The following AUTS2 variants were observed in gnomAD, a reference collection of about 807,000 sequenced individuals.
The protein encoded by AUTS2 is autism susceptibility gene 2 protein.
Under a neutral mutation model 112.4 loss-of-function variants are expected in AUTS2, and 17 were observed. That is an observed-to-expected ratio of 0.15 (90% CI 0.10 to 0.23). The LOEUF (loss-of-function observed/expected upper bound fraction) is 0.23, where lower values mean the gene tolerates loss of function less well. AUTS2 is among the 10% of genes least tolerant of loss of function. The pLI is 1.00. For synonymous variants in AUTS2, 751 were observed against 702.7 expected, an observed-to-expected ratio of 1.07 and a Z score of -1.09; for missense variants, 1,510 against 1,701.6, an observed-to-expected ratio of 0.89 and a Z score of 1.98.
chr7:70,720,225 G>A (rs1019794037), intron 6 of AUTS2, among the ~76,000 whole-genome samples: 48 of 151,892 alleles, frequency 3.2e-4, no homozygotes, highest in African/African-American at 1.1e-3. Flanking sequence ...ATGCCACCAG[G>A]GTGACAGGAA....
At chr7:70,553,812 G>T (rs370476689) in intron 5 of AUTS2, among the ~76,000 whole-genome samples, 10 of 132,016 alleles carry the variant, frequency 7.6e-5, no homozygotes, top group African/African-American at 2.9e-4. Flanking sequence ...TGTCGCCCAG[G>T]CTGGAGTGCA....
chr7:70,589,755 T>A (rs189009224), intron 5 of AUTS2, among the ~76,000 whole-genome samples: 1 of 152,268 alleles, frequency 6.6e-6, no homozygotes, highest in East Asian at 1.9e-4. Flanking sequence ...GGGATATGAC[T>A]GATAGTTTCT....
At chr7:69,951,428 G>A (rs1175945606) in intron 2 of AUTS2, among the ~76,000 whole-genome samples, 2 of 152,072 alleles carry the variant, frequency 1.3e-5, no homozygotes, top group Non-Finnish European at 2.9e-5. Flanking sequence ...AAACTGCAGG[G>A]CCAGGCAGAG....
intron 4 of AUTS2, among the ~76,000 whole-genome samples, chr7:70,244,083 T>C (rs1366068858): frequency 6.6e-6 from 1 of 152,104 alleles, no homozygotes; most frequent in African/African-American, 2.4e-5. Flanking sequence ...TTGTCATCTT[T>C]TAATAACCCT....
intron 1 of AUTS2, among the ~76,000 whole-genome samples, chr7:69,831,671 G>A (rs1791507232): frequency 2.6e-5 from 4 of 151,354 alleles, no homozygotes; most frequent in African/African-American, 9.7e-5. Context: ...CGTTGTCTTG[G>A]CATTGCTTTG....
At chr7:70,651,581 T>G (rs1443395625) in intron 5 of AUTS2, among the ~76,000 whole-genome samples, 1 of 152,136 alleles carries the variant, frequency 6.6e-6, no homozygotes, top group Non-Finnish European at 1.5e-5. Context: ...CATAATAAAG[T>G]GTTGAGGATC....
rs562368508 is a variant in AUTS2, at chr7:69,843,865, AG to A, written c.310-55420del. On this transcript the variant is annotated intron_variant, in intron 1 of 18. Transcript: ENST00000342771. ...TTTGCATGAAGGTCCACAACTAAGA[AG>A]ATAAGATGTGAAACTAGATATTTCA... 7.2e-5 allele frequency among the ~76,000 whole-genome samples: 11 copies of A among 152,326 alleles called. No homozygotes were observed. In the South Asian group the frequency reaches 2.3e-3, roughly 32 times the overall value.
intron 4 of AUTS2, among the ~76,000 whole-genome samples, chr7:70,391,219 C>T (rs1287366962): frequency 6.6e-6 from 1 of 152,134 alleles, no homozygotes; most frequent in Non-Finnish European, 1.5e-5. Context: ...GAAAGAGTCC[C>T]CTGTCACTGT....
intron 4 of AUTS2, among the ~76,000 whole-genome samples, chr7:70,243,925 T>C (rs992263571): frequency 2.6e-5 from 4 of 151,968 alleles, no homozygotes; most frequent in Non-Finnish European, 5.9e-5. Context: ...ATACTCTTAC[T>C]CTTATTATTA....
At chr7:70,464,707 T>C (rs1562971108) in intron 5 of AUTS2, among the ~76,000 whole-genome samples, 1 of 152,224 alleles carries the variant, frequency 6.6e-6, no homozygotes, top group Non-Finnish European at 1.5e-5. Context: ...GTTGGAATGG[T>C]AATCAGCACG....
intron 1 of AUTS2, among the ~76,000 whole-genome samples, chr7:69,785,813 C>T (rs1393499157): frequency 2.0e-5 from 3 of 152,144 alleles, no homozygotes; most frequent in Non-Finnish European, 4.4e-5. Flanking sequence ...GACACCCTAT[C>T]ACAGTGATTG....
intron 4 of AUTS2, among the ~76,000 whole-genome samples, chr7:70,230,470 C>G (rs759016394): frequency 2.6e-5 from 4 of 152,186 alleles, no homozygotes; most frequent in Non-Finnish European, 5.9e-5. Context: ...TGTATCTAAA[C>G]ACTTAGAACC....
intron 6 of AUTS2, among the ~76,000 whole-genome samples, chr7:70,760,824 C>A (rs61610980): frequency 0.016 from 2,455 of 152,318 alleles, 77 homozygotes; most frequent in African/African-American, 0.056. Flanking sequence ...CAGCACTGGA[C>A]AGAAATGTCG....
At chr7:69,869,477 T>G (rs963796119) in intron 1 of AUTS2, among the ~76,000 whole-genome samples, 30 of 152,116 alleles carry the variant, frequency 2.0e-4, no homozygotes, top group African/African-American at 7.2e-4. Context: ...TATTTTTTGT[T>G]TGTTATGTAT....
chr7:70,431,366 T>A (rs1036769892), intron 4 of AUTS2, among the ~76,000 whole-genome samples: 3 of 152,212 alleles, frequency 2.0e-5, no homozygotes, highest in Non-Finnish European at 4.4e-5. Context: ...GGGTAATTTT[T>A]AAAATGTATC....
chr7:70,403,680 A>G (rs1293906122), intron 4 of AUTS2, among the ~76,000 whole-genome samples: 2 of 152,294 alleles, frequency 1.3e-5, no homozygotes, highest in South Asian at 2.1e-4. Context: ...TCAGCTCCCT[A>G]TGGGGTCTTC....
At chr7:70,507,669 C>G (rs1038826398) in intron 5 of AUTS2, among the ~76,000 whole-genome samples, 14 of 152,072 alleles carry the variant, frequency 9.2e-5, no homozygotes, top group Middle Eastern at 3.4e-3. Context: ...TGGTGACGGG[C>G]ACCTGTAATC....
chr7:70,497,525 G>C (rs1798605605), intron 5 of AUTS2, among the ~76,000 whole-genome samples: 1 of 152,196 alleles, frequency 6.6e-6, no homozygotes, highest in African/African-American at 2.4e-5. Flanking sequence ...AAAATGGAGA[G>C]CACTGCTTTA....
At position 70,053,544 on chromosome 7, in the gene AUTS2, G is replaced by GTTTTTTTTT. The variant is rs200867539; in HGVS notation, c.523-64584_523-64576dup. Among the ~76,000 whole-genome samples, 308 of 127,814 alleles carry GTTTTTTTTT rather than the reference G, an allele frequency of 2.4e-3. 11 individuals carry two copies. Among genetic ancestry groups the GTTTTTTTTT allele is most frequent in the African/African-American group, 9.2e-3 (297 of 32,332 alleles). 83.9% of individuals were successfully genotyped at this position (127,814 alleles called of 152,430 possible). A position where few individuals can be genotyped will look rare whatever the true frequency, so the allele number is the denominator to read the frequency against. ...ATTGTGGCAACCACTGTTTTGGGTGGTTTTTTTTTTTTGGAGACAGGATCT... is the reference window on the plus strand; with the variant it reads ...ATTGTGGCAACCACTGTTTTGGGTGGTTTTTTTTTTTTTTTTTTTTTGGAGACAGGATCT... On this transcript the variant is annotated intron_variant, in intron 2 of 18. Transcript: ENST00000342771.
Sources: allele counts gnomAD v4.1 joint callset (sites outside exome capture counted in the v4.1 genomes callset), GRCh38; gene constraint gnomAD v4.1.1; transcripts MANE v1.5; gene names NCBI Gene and HGNC (gene_info 2026-07-23, HGNC 2026-07-21).